Variants in AGAP1 observed in about 807,000 individuals in gnomAD.
AGAP1 encodes ArfGAP with GTPase domain, ankyrin repeat and PH domain 1.
A neutral mutation model predicts 105.3 loss-of-function variants in AGAP1; 29 were observed. The ratio of observed to expected loss-of-function variants is 0.28; its 90% CI spans 0.21 to 0.38. The LOEUF (loss-of-function observed/expected upper bound fraction) is 0.38, where lower values mean the gene tolerates loss of function less well. AGAP1 is among the 10% of genes least tolerant of loss of function. AGAP1 has a pLI of 1.00. For synonymous variants in AGAP1, 509 were observed against 485.9 expected (o/e 1.05, Z -0.63); for missense variants, 998 against 1,165.1 (o/e 0.86, Z 2.09).
intron 1 of AGAP1, among the ~76,000 whole-genome samples, chr2:235,629,863 CAA>C (rs10691632): frequency 8.4e-5 from 8 of 95,650 alleles, no homozygotes; most frequent in Admixed American, 1.3e-4. Flanking sequence ...GACCCTGTCT[CAA>C]AAAAAAAAAA....
At chr2:235,940,420 A>C (rs758307705) in intron 12 of AGAP1, among the ~76,000 whole-genome samples, 1 of 152,050 alleles carries the variant, frequency 6.6e-6, no homozygotes, top group Non-Finnish European at 1.5e-5. Flanking sequence ...CCAATTCTTG[A>C]TTTCTGGCTG....
At position 235,904,787 on chromosome 2, in the gene AGAP1, A is replaced by T. The variant is rs146890796; in HGVS notation, c.1156-3951A>T. On this transcript the variant is annotated intron_variant, in intron 10 of 17. Coordinates refer to ENST00000304032, the MANE Select transcript of AGAP1 (RefSeq NM_001037131.3). The surrounding 1 kb of genome is among the most constrained non-coding windows in gnomAD (Gnocchi z 4.2). The stretch of plus-strand genomic sequence containing the variant: ...AGGATCAGTTCTTTCAAAACCAGAA[A>T]GCTCAGTGTCGTTTCTCTTGGGAGG... Among the ~76,000 whole-genome samples the T allele has an allele frequency of 6.6e-6, 1 of 152,176 alleles. No homozygotes were observed. Among genetic ancestry groups the T allele is most frequent in the African/African-American group, 2.4e-5 (1 of 41,436 alleles).
At position 236,016,979 on chromosome 2, in the gene AGAP1, G is replaced by T. The variant is rs139937411; in HGVS notation, c.1646-19582G>T. Among the ~76,000 whole-genome samples the T allele has an allele frequency of 1.7e-4, 26 of 152,018 alleles. No individual in the cohort carries two copies. The East Asian group carries it at 3.7e-3, about 21-fold the overall frequency. On this transcript the variant is annotated intron_variant, in intron 13 of 17. Transcript: ENST00000304032. Reference sequence around the variant, plus strand: ...GTACACATACAATCTCATTTCATACGGTTTTTAATAATGTATTACAGAATT... The same window carrying T: ...GTACACATACAATCTCATTTCATACTGTTTTTAATAATGTATTACAGAATT...
At chr2:236,094,468 C>A (rs1017910184) in intron 16 of AGAP1, among the ~76,000 whole-genome samples, 1 of 151,556 alleles carries the variant, frequency 6.6e-6, no homozygotes, top group Admixed American at 6.6e-5. Flanking sequence ...CCTCCCACTT[C>A]AGCCTCCTGA....
chr2:235,996,355 G>A (rs536976057), intron 13 of AGAP1, among the ~76,000 whole-genome samples: 5 of 152,304 alleles, frequency 3.3e-5, no homozygotes, highest in South Asian at 2.1e-4. Context: ...TTGGAGATTC[G>A]TATCTGACAG....
intron 1 of AGAP1, among the ~76,000 whole-genome samples, chr2:235,512,525 T>G (rs906137169): frequency 6.6e-6 from 1 of 152,054 alleles, no homozygotes; most frequent in Non-Finnish European, 1.5e-5. Flanking sequence ...GCCTAGGAGG[T>G]TGAGGCTGCA....
At chr2:236,037,572 T>C (rs760127846) in intron 14 of AGAP1, among the ~76,000 whole-genome samples, 9 of 152,084 alleles carry the variant, frequency 5.9e-5, no homozygotes, top group Non-Finnish European at 1.2e-4. Context: ...TATTTATTTA[T>C]GTAATATATA....
chr2:236,104,079 A>T lies in AGAP1; in HGVS notation c.2115-16113A>T, dbSNP rs1389552409. 6.6e-6 allele frequency among the ~76,000 whole-genome samples: 1 copy of T among 152,204 alleles called. No individual in the cohort carries two copies. Among genetic ancestry groups the T allele is most frequent in the Admixed American group, 6.5e-5 (1 of 15,290 alleles). ...CAGGCCTGCAGCAATGTGAAACCTT[A>T]GGTACTTCCCACTTGCATTTAGGTG... On this transcript the variant is annotated intron_variant, in intron 16 of 17. Transcript: ENST00000304032. The surrounding 1 kb of genome is among the most constrained non-coding windows in gnomAD (Gnocchi z 4.7).
chr2:235,708,095 A>G (rs1272743281), intron 1 of AGAP1, among the ~76,000 whole-genome samples: 1 of 151,856 alleles, frequency 6.6e-6, no homozygotes, highest in Non-Finnish European at 1.5e-5. Context: ...TGCGGTCCTC[A>G]TATCACACAG....
Position 235,574,931 on chromosome 2 carries a change from T to C in AGAP1, c.163+80082T>C, listed in dbSNP as rs1179712854. The stretch of plus-strand genomic sequence containing the variant: ...TGAGCTCAGGAGTTCGACACCAGCC[T>C]AGGCAACATGGCAAAGCCCTGACTC... On this transcript the variant is annotated intron_variant, in intron 1 of 17. Coordinates refer to ENST00000304032, the MANE Select transcript of AGAP1 (RefSeq NM_001037131.3). The surrounding 1 kb of genome is among the most constrained non-coding windows in gnomAD (Gnocchi z 5.0). 6.6e-6 allele frequency among the ~76,000 whole-genome samples: 1 copy of C among 152,124 alleles called. No homozygotes were observed. The highest frequency in any genetic ancestry group is 1.5e-5 in the Non-Finnish European group (1 of 68,034).
Position 236,078,854 on chromosome 2 carries a change from G to C in AGAP1, c.2114+29573G>C, listed in dbSNP as rs1320677353. Among the ~76,000 whole-genome samples, 3 of 152,144 alleles carry C rather than the reference G, an allele frequency of 2.0e-5. No homozygotes were observed. The highest frequency in any genetic ancestry group is 4.4e-5 in the Non-Finnish European group (3 of 68,028). On this transcript the variant is annotated intron_variant, in intron 16 of 17. Transcript: ENST00000304032. The surrounding 1 kb of genome is among the most constrained non-coding windows in gnomAD (Gnocchi z 5.3). ...GCGGCCCCATCCCACGTGGTTAAGT[G>C]GGTGGCCACACCCACTGCCTTTCCT...
At chr2:235,516,094 G>GCTGCTTCTGCTGCTGCTGCTGCT (rs762097300) in intron 1 of AGAP1, among the ~76,000 whole-genome samples, 1 of 150,250 alleles carries the variant, frequency 6.7e-6, no homozygotes, top group African/African-American at 2.5e-5. Context: ...TGCTGCTGCT[G>GCTGCTTCTGCTGCTGCTGCTGCT]GCCCGCCAGT....
intron 16 of AGAP1, among the ~76,000 whole-genome samples, chr2:236,075,451 C>A (rs1040123135): frequency 6.6e-6 from 1 of 152,116 alleles, no homozygotes; most frequent in African/African-American, 2.4e-5. Context: ...GCAAAGGGTC[C>A]CCGCTGCTGC....
In AGAP1 at chr2:235,548,654, C is replaced by CAAAAAA. The variant is rs10643148; in HGVS notation, c.163+53816_163+53821dup. ...GGCAAAAAGTGCGAAACTCCGTCTT[C>CAAAAAA]AAAAAAAAAAAAAAAATGCCACGAT... On this transcript the variant is annotated intron_variant, in intron 1 of 17. Transcript: ENST00000304032. Among the ~76,000 whole-genome samples, 7 of 135,168 alleles carry CAAAAAA rather than the reference C, an allele frequency of 5.2e-5. No individual in the cohort carries two copies. In the South Asian group the frequency reaches 1.7e-3, roughly 33 times the overall value. The allele number at this position is 135,168 out of a possible 152,430, so 88.7% of individuals were successfully genotyped here. A position where few individuals can be genotyped will look rare whatever the true frequency, so the allele number is the denominator to read the frequency against.
intron 10 of AGAP1, among the ~76,000 whole-genome samples, chr2:235,890,395 AC>A (rs1239821903): frequency 7.3e-5 from 11 of 151,116 alleles, no homozygotes; most frequent in Non-Finnish European, 1.2e-4. Flanking sequence ...CAAGTGATCC[AC>A]CCGCCTCAGC....
At position 235,611,039 on chromosome 2, in the gene AGAP1, C is replaced by T. The variant is rs1044501320; in HGVS notation, c.164-98140C>T. On this transcript the variant is annotated intron_variant, in intron 1 of 17. Coordinates refer to ENST00000304032, the MANE Select transcript of AGAP1 (RefSeq NM_001037131.3). The surrounding 1 kb of genome is among the most constrained non-coding windows in gnomAD (Gnocchi z 5.0). ...CCCATGACCTCCGGAAGCCTGCCAG[C>T]CGCCTGCCTGCAACCCCATAGCCGA... Among the ~76,000 whole-genome samples the T allele has an allele frequency of 4.6e-5, 7 of 152,188 alleles. No individual in the cohort carries two copies. Among genetic ancestry groups the T allele is most frequent in the Non-Finnish European group, 1.0e-4 (7 of 68,038 alleles).
intron 1 of AGAP1, among the ~76,000 whole-genome samples, chr2:235,642,000 T>A (rs1004472480): frequency 6.6e-6 from 1 of 152,234 alleles, no homozygotes; most frequent in Non-Finnish European, 1.5e-5. Context: ...TACTGTTGAT[T>A]GTCCATTTCT....
At chr2:236,017,491 T>C (rs1441988668) in intron 13 of AGAP1, among the ~76,000 whole-genome samples, 1 of 152,154 alleles carries the variant, frequency 6.6e-6, no homozygotes, top group African/African-American at 2.4e-5. Flanking sequence ...AATATATCCA[T>C]CCCCAAGTGG....
chr2:236,003,241 T>C lies in AGAP1; in HGVS notation c.1646-33320T>C, dbSNP rs1395152328. ...TGTATTTTTAGTAGAGACGGGGTTT[T>C]GCCATGTTGCCCAGGCTGGTCTCGA... On this transcript the variant is annotated intron_variant, in intron 13 of 17. Coordinates refer to ENST00000304032, the MANE Select transcript of AGAP1 (RefSeq NM_001037131.3). This position sits in a 1 kb window ranked among gnomAD's most constrained non-coding sequence, Gnocchi z 4.2. Among the ~76,000 whole-genome samples, 1 of 152,094 alleles carries C rather than the reference T, an allele frequency of 6.6e-6. No homozygotes were observed.
Sources: allele counts gnomAD v4.1 joint callset (sites outside exome capture counted in the v4.1 genomes callset), GRCh38; gene constraint gnomAD v4.1.1; non-coding constraint Gnocchi (gnomAD v3.1); transcripts MANE v1.5; gene names NCBI Gene and HGNC (gene_info 2026-07-23, HGNC 2026-07-21).